Variants in STC2 observed in about 807,000 individuals in gnomAD.
STC2 encodes stanniocalcin-2.
Under a neutral mutation model 22.7 loss-of-function variants are expected in STC2, and 7 were observed. That is an observed-to-expected ratio of 0.31 (90% CI 0.18 to 0.58). The LOEUF (loss-of-function observed/expected upper bound fraction) is 0.58, where lower values mean the gene tolerates loss of function less well. Among genes scored for constraint, STC2 ranks in the 20% least tolerant of loss-of-function variants. The pLI is 0.89. For synonymous variants in STC2, 158 were observed against 163.4 expected (o/e 0.97, Z 0.25); for missense variants, 336 against 406.2 (o/e 0.83, Z 1.48).
Position 173,328,268 on chromosome 5 carries a change from C to T in STC2, c.-75G>A, listed in dbSNP as rs1050174438. 2 of 1,346,992 alleles carry T rather than the reference C, an allele frequency of 1.5e-6. No individual in the cohort carries two copies. The highest frequency in any genetic ancestry group is 1.9e-6 in the Non-Finnish European group (2 of 1,034,760). The allele number at this position is 1,346,992 out of a possible 1,614,324, so 83.4% of individuals were successfully genotyped here. ...CCTCTTCCTCCTCCTCCTCTTCCTC[C>T]TTCGCCGCTTCCCCTCCTCCTCCCA... On this transcript the variant is annotated 5_prime_UTR_variant, in exon 1 of 4. Transcript: ENST00000265087.
At chr5:173,318,423 C>T (rs1369211043) in intron 3 of STC2, among the ~76,000 whole-genome samples, 174 bp from the exon 4 acceptor site, 1 of 152,162 alleles carries the variant, frequency 6.6e-6, no homozygotes, top group South Asian at 2.1e-4. Context: ...CAAGCCTTTT[C>T]TCATAGTCTA....
At chr5:173,320,700 G>A (rs1762474262) in intron 3 of STC2, among the ~76,000 whole-genome samples, 1 of 150,172 alleles carries the variant, frequency 6.7e-6, no homozygotes, top group Non-Finnish European at 1.5e-5. Context: ...AACTGGGGGT[G>A]AGTGTTCTGG....
chr5:173,323,588 C>T lies in STC2; in HGVS notation c.295-158G>A, dbSNP rs565088841. On this transcript the variant is annotated intron_variant, in intron 2 of 3. Transcript: ENST00000265087. The surrounding 1 kb of genome is among the most constrained non-coding windows in gnomAD (Gnocchi z 5.4). ...GACGGACGTCCTCCCAGGTGACAGG[C>T]AATGCGACATCCGGAGGCACGTCCA... Among the ~76,000 whole-genome samples, 1 of 152,316 alleles carries T rather than the reference C, an allele frequency of 6.6e-6. No homozygotes were observed. Among genetic ancestry groups the T allele is most frequent in the South Asian group, 2.1e-4 (1 of 4,824 alleles).
In STC2 at chr5:173,317,882, C is replaced by T. The variant is rs1319999350; in HGVS notation, c.874G>A (p.Asp292Asn). Residue 292 changes from aspartate to asparagine, a missense_variant, in exon 4 of 4, where the codon GAC becomes AAC. Asp to Asn is a conservative substitution (Grantham distance 23, BLOSUM62 1). Around this residue, in one of 3 missense-constraint regions of STC2, gnomAD observed 215 missense variants for 231.5 expected, o/e 0.93. Transcript: ENST00000265087. The stretch of plus-strand genomic sequence containing the variant: ...ATATCAGAATACTCAGACTGTTCGT[C>T]TTCCCACTCGCTGCTTCCGGAAGGT... The part of the protein sequence containing the change: ...QGPSGSSEWE[D>N]EQSEYSDIRR 6.3e-7 allele frequency: 1 copy of T among 1,599,782 alleles called. No homozygotes were observed. Among genetic ancestry groups the T allele is most frequent in the Non-Finnish European group, 8.5e-7 (1 of 1,170,656 alleles).
Position 173,316,696 on chromosome 5 carries a change from T to C in STC2, c.*1151A>G, listed in dbSNP as rs1762425675. 1 of 152,190 alleles carries C rather than the reference T, an allele frequency of 6.6e-6. No homozygotes were observed. The highest frequency in any genetic ancestry group is 1.5e-5 in the Non-Finnish European group (1 of 68,026). 9.4% of individuals were successfully genotyped at this position (152,190 alleles called of 1,614,324 possible). On this transcript the variant is annotated 3_prime_UTR_variant, in exon 4 of 4. Transcript: ENST00000265087. ...TATGTAAAAGGTCAGCATTTCCTGA[T>C]GGGAATTACTAAGTAGTCTTCATTC...
At chr5:173,327,666 A>T (rs540022433) in intron 1 of STC2, among the ~76,000 whole-genome samples, 45 of 152,376 alleles carry the variant, frequency 3.0e-4, no homozygotes, top group South Asian at 1.2e-3. Context: ...GGCGCAGCCC[A>T]GCTCCGGGGA....
chr5:173,326,007 T>G lies in STC2; in HGVS notation c.155A>C (p.Glu52Ala). The change falls in exon 2 of 4, where the codon GAG becomes GCG. Residue 52 changes from glutamate to alanine, a missense_variant. By Grantham distance (107) the Glu-to-Ala change is moderately radical (BLOSUM62 -1). This residue lies in a region of STC2 where 99 missense variants were observed against 122.7 expected (regional missense o/e 0.81). Transcript: ENST00000265087. ...KGRLSLQNTA[E>A]IQHCLVNAGD... Reference sequence around the variant, plus strand: ...AGCGTTGACCAAACAGTGCTGGATCTCCGCTAAAAGGAAAATCACATACAA... The same window carrying G: ...AGCGTTGACCAAACAGTGCTGGATCGCCGCTAAAAGGAAAATCACATACAA... 6.2e-7 allele frequency: 1 copy of G among 1,613,944 alleles called. No individual in the cohort carries two copies. The highest frequency in any genetic ancestry group is 8.5e-7 in the Non-Finnish European group (1 of 1,179,884).
chr5:173,320,902 GA>G (rs375980763), intron 3 of STC2, among the ~76,000 whole-genome samples: 2,991 of 149,686 alleles, frequency 0.02, 104 homozygotes, highest in African/African-American at 0.069. Flanking sequence ...AGATGGTTGG[GA>G]AAAAAAAACC....
Position 173,317,969 on chromosome 5 carries a change from C to G in STC2, c.787G>C (p.Gly263Arg), listed in dbSNP as rs1265988959. The change falls in exon 4 of 4, where the codon GGT becomes CGT. Residue 263 changes from glycine (G) to arginine (R), a missense_variant. Gly to Arg is a moderately radical substitution (Grantham distance 125). Coordinates refer to ENST00000265087, the MANE Select transcript of STC2 (RefSeq NM_003714.3). The part of the protein sequence containing the change: ...ETGRGAKGER[G>R]SKSHPNAHAR... Reference sequence around the variant, plus strand: ...TGGGCGTTTGGGTGGCTCTTGCTACCTCGCTCACCCTTGGCACCTCGGCCA... The same window carrying G: ...TGGGCGTTTGGGTGGCTCTTGCTACGTCGCTCACCCTTGGCACCTCGGCCA... 6.2e-7 allele frequency: 1 copy of G among 1,613,456 alleles called. No homozygotes were observed.
At chr5:173,327,578 G>C (rs986902253) in intron 1 of STC2, among the ~76,000 whole-genome samples, 9 of 152,248 alleles carry the variant, frequency 5.9e-5, no homozygotes, top group African/African-American at 2.2e-4. Flanking sequence ...TGGGATGTCG[G>C]GCATCTTTTG....
At position 173,317,011 on chromosome 5, in the gene STC2, G is replaced by C. The variant is rs1032384189; in HGVS notation, c.*836C>G. Reference sequence around the variant, plus strand: ...AAAGAAAAATCAGCCTCAAAGGATGGGCTGGTTTTTTTTTTTTAAACCCCC... The same window carrying C: ...AAAGAAAAATCAGCCTCAAAGGATGCGCTGGTTTTTTTTTTTTAAACCCCC... On this transcript the variant is annotated 3_prime_UTR_variant, in exon 4 of 4. Coordinates refer to ENST00000265087, the MANE Select transcript of STC2 (RefSeq NM_003714.3). 1 of 151,742 alleles carries C rather than the reference G, an allele frequency of 6.6e-6. No homozygotes were observed. The highest frequency in any genetic ancestry group is 2.4e-5 in the African/African-American group (1 of 41,092). The allele number at this position is 151,742 out of a possible 1,614,324, so 9.4% of individuals were successfully genotyped here.
intron 3 of STC2, among the ~76,000 whole-genome samples, chr5:173,319,660 A>G (rs1762463709): frequency 6.6e-6 from 1 of 152,248 alleles, no homozygotes; most frequent in Non-Finnish European, 1.5e-5. Flanking sequence ...TCAAGTTGGA[A>G]TTGAGTGAAC....
chr5:173,328,179 C>T lies in STC2; in HGVS notation c.15G>A (p.Arg5=), dbSNP rs1295950007. ...AAGCCAGGGTCATGAACTGGCCCAG[C>T]CGCTCGGCACACATGGTTCTTGGTA... The part of the protein sequence containing the change: MCAE[R]LGQFMTLALV... The change falls in exon 1 of 4, where the codon CGG becomes CGA. Residue 5 remains arginine, a synonymous_variant. Transcript: ENST00000265087. 7.1e-6 allele frequency: 11 copies of T among 1,557,812 alleles called. No homozygotes were observed. The Admixed American group carries it at 2.1e-4, about 29-fold the overall frequency.
chr5:173,324,154 C>T (rs541261397), intron 2 of STC2: 1 of 152,722 alleles, frequency 6.5e-6, no homozygotes, highest in Non-Finnish European at 1.5e-5. Flanking sequence ...CGCTCCCTGC[C>T]TCCGAGTGGC....
At chr5:173,321,823 T>TA (rs1401262762) in intron 3 of STC2, among the ~76,000 whole-genome samples, 3 of 141,808 alleles carry the variant, frequency 2.1e-5, no homozygotes, top group Non-Finnish European at 4.7e-5. Context: ...TAAAAAAACA[T>TA]AAAAAAAGAC....
At position 173,325,709 on chromosome 5, in the gene STC2, A is replaced by G. The variant is rs1304977510; in HGVS notation, c.294+159T>C. ...GACACAGCTTATGAGTGCAGAAGGG[A>G]GACACTGGCATAATGTTTTATACCT... On this transcript the variant is annotated intron_variant, in intron 2 of 3. Coordinates refer to ENST00000265087, the MANE Select transcript of STC2 (RefSeq NM_003714.3). This position sits in a 1 kb window ranked among gnomAD's most constrained non-coding sequence, Gnocchi z 4.7. 1 of 963,252 alleles carries G rather than the reference A, an allele frequency of 1.0e-6. No individual in the cohort carries two copies. The highest frequency in any genetic ancestry group is 1.6e-6 in the Non-Finnish European group (1 of 633,048). 59.7% of individuals were successfully genotyped at this position (963,252 alleles called of 1,614,324 possible).
Position 173,323,060 on chromosome 5 carries a change from G to A in STC2, c.506+159C>T. The A allele has an allele frequency of 1.5e-6, 1 of 660,868 alleles. No individual in the cohort carries two copies. Among genetic ancestry groups the A allele is most frequent in the Non-Finnish European group, 2.6e-6 (1 of 379,292 alleles). The allele number at this position is 660,868 out of a possible 1,614,324, so 40.9% of individuals were successfully genotyped here. A position where few individuals can be genotyped will look rare whatever the true frequency, so the allele number is the denominator to read the frequency against. ...TTTCCTAAAAGCCAGCAGGAAAGGG[G>A]CCTTTTAGTAGAGTCAGTGTAGCTT... On this transcript the variant is annotated intron_variant, in intron 3 of 3. Coordinates refer to ENST00000265087, the MANE Select transcript of STC2 (RefSeq NM_003714.3). The surrounding 1 kb of genome is among the most constrained non-coding windows in gnomAD (Gnocchi z 5.4).
chr5:173,322,245 T>A (rs542526782), intron 3 of STC2, among the ~76,000 whole-genome samples: 1 of 152,258 alleles, frequency 6.6e-6, no homozygotes, highest in South Asian at 2.1e-4. Flanking sequence ...ACTGGTTGGC[T>A]AGTGGCTTTC....
At chr5:173,322,770 G>A (rs1762502373) in intron 3 of STC2, among the ~76,000 whole-genome samples, 2 of 152,168 alleles carry the variant, frequency 1.3e-5, no homozygotes, top group African/African-American at 2.4e-5. Context: ...TGGAGGTGAC[G>A]AGGGCTGTGG....
Sources: allele counts gnomAD v4.1 joint callset (sites outside exome capture counted in the v4.1 genomes callset), GRCh38; gene constraint gnomAD v4.1.1; regional missense constraint gnomAD v4.1.1; non-coding constraint Gnocchi (gnomAD v3.1); transcripts MANE v1.5; gene names NCBI Gene and HGNC (gene_info 2026-07-23, HGNC 2026-07-21).